Variants in PABPC4L observed in about 807,000 individuals in gnomAD.
PABPC4L encodes polyadenylate-binding protein 4-like.
For synonymous variants in PABPC4L, 169 were observed against 164.1 expected, an observed-to-expected ratio of 1.03 and a Z score of -0.23; for missense variants, 452 against 451.4, an observed-to-expected ratio of 1.00 and a Z score of -0.01.
chr4:134,160,019 G>A, the PABPC4L span, among the ~76,000 whole-genome samples: 1 of 152,076 alleles, frequency 6.6e-6, no homozygotes, highest in South Asian at 2.1e-4. Flanking sequence ...GACCCACCCT[G>A]GGAATTCGCT....
chr4:134,165,549 G>A, the PABPC4L span, among the ~76,000 whole-genome samples: 105,826 of 152,102 alleles, frequency 0.7, 38,168 homozygotes, highest in East Asian at 1. Context: ...CAACATCACT[G>A]ATCATTATGG....
chr4:134,045,559 A>T, the PABPC4L span, among the ~76,000 whole-genome samples: 1 of 152,174 alleles, frequency 6.6e-6, no homozygotes, highest in Non-Finnish European at 1.5e-5. Flanking sequence ...GAAACAGAAT[A>T]CTTTGTCCTT....
the PABPC4L span, among the ~76,000 whole-genome samples, chr4:134,025,377 C>T: frequency 6.7e-6 from 1 of 148,836 alleles, no homozygotes; most frequent in African/African-American, 2.5e-5. Context: ...GACAGGCCTA[C>T]ACTAGCTTTT....
chr4:134,056,565 A>G, the PABPC4L span, among the ~76,000 whole-genome samples: 1 of 151,932 alleles, frequency 6.6e-6, no homozygotes, highest in Non-Finnish European at 1.5e-5. Context: ...GGTTAGAATT[A>G]TACCTAAATA....
At chr4:134,118,510 T>C in the PABPC4L span, among the ~76,000 whole-genome samples, 1 of 151,858 alleles carries the variant, frequency 6.6e-6, no homozygotes, top group African/African-American at 2.4e-5. Context: ...AACACTTAGA[T>C]TGACAAATAT....
chr4:134,157,121 T>C, the PABPC4L span, among the ~76,000 whole-genome samples: 1 of 151,896 alleles, frequency 6.6e-6, no homozygotes, highest in Non-Finnish European at 1.5e-5. Context: ...CATTTTAATT[T>C]TGAGAAATAA....
the PABPC4L span, among the ~76,000 whole-genome samples, chr4:133,999,943 G>A: frequency 3.7e-4 from 57 of 152,032 alleles, no homozygotes; most frequent in Middle Eastern, 3.4e-3. Context: ...TTTATACAAA[G>A]TAATATGTAT....
At chr4:134,073,368 C>A in the PABPC4L span, among the ~76,000 whole-genome samples, 1 of 152,330 alleles carries the variant, frequency 6.6e-6, no homozygotes, top group South Asian at 2.1e-4. Flanking sequence ...GACTCCATGT[C>A]TCACATCCAG....
chr4:134,057,770 C>A, the PABPC4L span, among the ~76,000 whole-genome samples: 36 of 152,166 alleles, frequency 2.4e-4, no homozygotes, highest in East Asian at 2.5e-3. Flanking sequence ...GAATTCAACA[C>A]CATGTCATTT....
At chr4:134,053,309 C>T in the PABPC4L span, among the ~76,000 whole-genome samples, 7 of 152,188 alleles carry the variant, frequency 4.6e-5, no homozygotes, top group African/African-American at 1.7e-4. Context: ...ATTCATGTTG[C>T]TAAGCGCTGC....
the PABPC4L span, among the ~76,000 whole-genome samples, chr4:134,142,931 C>A: frequency 6.6e-6 from 1 of 151,556 alleles, no homozygotes; most frequent in African/African-American, 2.4e-5. Context: ...TTATCTCCGT[C>A]CTTGTGGAGC....
chr4:134,170,816 A>G, the PABPC4L span, among the ~76,000 whole-genome samples: 1 of 152,186 alleles, frequency 6.6e-6, no homozygotes. Flanking sequence ...AGACAATATC[A>G]TAGAATGATT....
At chr4:134,067,083 T>G in the PABPC4L span, among the ~76,000 whole-genome samples, 1 of 152,100 alleles carries the variant, frequency 6.6e-6, no homozygotes, top group Non-Finnish European at 1.5e-5. Flanking sequence ...TCCTCCTTAA[T>G]TTTTTTGGAA....
chr4:134,054,626 A>G, the PABPC4L span, among the ~76,000 whole-genome samples: 1 of 151,984 alleles, frequency 6.6e-6, no homozygotes. Context: ...ACTGTAACTA[A>G]CATGTCACAT....
At chr4:134,104,813 G>A in the PABPC4L span, among the ~76,000 whole-genome samples, 21 of 151,684 alleles carry the variant, frequency 1.4e-4, no homozygotes, top group African/African-American at 5.1e-4. Flanking sequence ...AACATCTATG[G>A]CAAACTGCAA....
chr4:134,086,323 A>C, the PABPC4L span, among the ~76,000 whole-genome samples: 1 of 152,042 alleles, frequency 6.6e-6, no homozygotes, highest in Middle Eastern at 3.4e-3. Flanking sequence ...TCTATTTTGC[A>C]GCTATTCTTT....
At chr4:134,001,551 C>T in the PABPC4L span, among the ~76,000 whole-genome samples, 1 of 151,958 alleles carries the variant, frequency 6.6e-6, no homozygotes, top group African/African-American at 2.4e-5. Flanking sequence ...ATTTACTTAG[C>T]CTTTCCCATT....
chr4:134,150,784 T>A, the PABPC4L span, among the ~76,000 whole-genome samples: 1 of 152,150 alleles, frequency 6.6e-6, no homozygotes, highest in African/African-American at 2.4e-5. Flanking sequence ...ATTAATTAAA[T>A]CCTCACATAA....
the PABPC4L span, among the ~76,000 whole-genome samples, chr4:134,178,034 G>T: frequency 1.3e-5 from 2 of 152,022 alleles, no homozygotes; most frequent in South Asian, 4.1e-4. Flanking sequence ...CCTATTTCTG[G>T]TAGCCAGGAA....
Sources: allele counts gnomAD v4.1 joint callset (sites outside exome capture counted in the v4.1 genomes callset), GRCh38; gene constraint gnomAD v4.1.1; transcripts MANE v1.5; gene names NCBI Gene and HGNC (gene_info 2026-07-23, HGNC 2026-07-21).